Variants in GPC4 observed in about 807,000 individuals in gnomAD.
GPC4 encodes glypican 4, also known as glypican-4.
GPC4 carries 10 observed loss-of-function variants against 35.0 expected under a neutral mutation model. That is an observed-to-expected ratio of 0.29 (90% CI 0.18 to 0.48). The LOEUF (loss-of-function observed/expected upper bound fraction) is 0.48, where lower values mean the gene tolerates loss of function less well. Ranked by LOEUF, GPC4 falls within the 20% of genes least tolerant of loss-of-function variation. The pLI, the probability that GPC4 is intolerant of heterozygous loss-of-function variation, is 0.99. For synonymous variants in GPC4, 167 were observed against 170.2 expected (o/e 0.98, Z 0.15); for missense variants, 322 against 451.3 (o/e 0.71, Z 2.60).
intron 1 of GPC4, among the ~76,000 whole-genome samples, chrX:133,383,885 TG>T (rs1404060854): frequency 8.9e-6 from 1 of 111,752 alleles, no homozygotes; most frequent in Non-Finnish European, 1.9e-5. Flanking sequence ...TTACAGACTT[TG>T]GGTGATGATG....
At chrX:133,353,482 T>G (rs1250627542) in intron 1 of GPC4, among the ~76,000 whole-genome samples, 1 of 111,837 alleles carries the variant, frequency 8.9e-6, no homozygotes, top group Non-Finnish European at 1.9e-5. Context: ...GGTGAGTGGG[T>G]GCTCATTCCG....
At chrX:133,351,554 C>T (rs983098629) in intron 1 of GPC4, among the ~76,000 whole-genome samples, 1 of 110,710 alleles carries the variant, frequency 9.0e-6, no homozygotes, top group African/African-American at 3.3e-5. Context: ...ATGTCCTCAG[C>T]CTTTATTATA....
At chrX:133,372,338 C>T (rs905488607) in intron 1 of GPC4, among the ~76,000 whole-genome samples, 3 of 108,611 alleles carry the variant, frequency 2.8e-5, no homozygotes, top group African/African-American at 1.0e-4. Flanking sequence ...TATATGTATC[C>T]TTAGGGGCTC....
At chrX:133,313,835 G>A (rs1358055833) in intron 3 of GPC4, among the ~76,000 whole-genome samples, 1 of 112,247 alleles carries the variant, frequency 8.9e-6, no homozygotes, top group Non-Finnish European at 1.9e-5. Flanking sequence ...CAGATGACAG[G>A]AAACTGTAAT....
At chrX:133,338,817 A>G (rs918236688) in intron 2 of GPC4, among the ~76,000 whole-genome samples, 5 of 110,924 alleles carry the variant, frequency 4.5e-5, no homozygotes, top group Admixed American at 1.9e-4. Flanking sequence ...GCATCTGTAA[A>G]TTCTCTTTAT....
chrX:133,326,224 T>G (rs867557735), intron 2 of GPC4, among the ~76,000 whole-genome samples: 8 of 110,868 alleles, frequency 7.2e-5, no homozygotes, highest in Middle Eastern at 4.7e-3. Context: ...TCCCTGAAAG[T>G]GAGAGGGCAG....
intron 1 of GPC4, among the ~76,000 whole-genome samples, chrX:133,344,536 C>T (rs1242909520): frequency 1.0e-4 from 11 of 110,408 alleles, no homozygotes; most frequent in Non-Finnish European, 2.1e-4. Flanking sequence ...CTATTTTCAA[C>T]TATGTCTAAC....
chrX:133,400,790 G>A (rs1426567936), intron 1 of GPC4, among the ~76,000 whole-genome samples: 2 of 110,604 alleles, frequency 1.8e-5, no homozygotes, highest in African/African-American at 3.3e-5. Flanking sequence ...GTAGGCATTG[G>A]GTATAGGGCA....
chrX:133,306,808 T>G (rs2068293016), intron 4 of GPC4, among the ~76,000 whole-genome samples: 1 of 112,002 alleles, frequency 8.9e-6, no homozygotes. Flanking sequence ...TACCTCCTTT[T>G]TTTTGCAAGT....
chrX:133,390,577 T>C (rs919410596), intron 1 of GPC4, among the ~76,000 whole-genome samples: 2 of 112,087 alleles, frequency 1.8e-5, no homozygotes, highest in Non-Finnish European at 3.8e-5. Context: ...GAATGACAGC[T>C]GACAGCAAGG....
chrX:133,353,432 T>C (rs755429018), intron 1 of GPC4, among the ~76,000 whole-genome samples: 4 of 112,039 alleles, frequency 3.6e-5, no homozygotes, highest in East Asian at 2.8e-4. Flanking sequence ...TGCTCACAAA[T>C]TGAAAGTATC....
Position 133,302,981 on chromosome X carries a change from A to G in GPC4, c.1557T>C (p.Ala519=). The G allele has an allele frequency of 8.3e-7, 1 of 1,211,539 alleles. No individual in the cohort carries two copies. ...CGGCTTTCTCATTGGCACTCTTCCC[A>G]GCATGGTCAGTGGCATTGTAGTCAA... ...SEFDYNATDH[A]GKSANEKADS... is the part of the protein sequence containing the mutation. Residue 519 remains alanine, a synonymous_variant, in exon 9 of 9, where the codon GCT becomes GCC. Coordinates refer to ENST00000370828, the MANE Select transcript of GPC4 (RefSeq NM_001448.3).
intron 1 of GPC4, among the ~76,000 whole-genome samples, chrX:133,377,036 C>T (rs1403258489): frequency 2.7e-5 from 3 of 112,227 alleles, no homozygotes. Context: ...CCTACTGTCC[C>T]AGCTTTTTCC....
chrX:133,304,983 T>G, intron 6 of GPC4, 122 bp from the exon 7 acceptor site: 3 of 668,238 alleles, frequency 4.5e-6, no homozygotes, highest in Non-Finnish European at 6.8e-6. Context: ...ATTTTCAACT[T>G]TAATTAGAAG....
chrX:133,313,340 T>C (rs758224538), intron 3 of GPC4, among the ~76,000 whole-genome samples: 26 of 113,060 alleles, frequency 2.3e-4, no homozygotes, highest in African/African-American at 6.7e-4. Flanking sequence ...ATGGTAATTG[T>C]ATACACTGCC....
At chrX:133,308,729 G>A (rs1411623649) in intron 4 of GPC4, among the ~76,000 whole-genome samples, 2 of 110,980 alleles carry the variant, frequency 1.8e-5, no homozygotes, top group African/African-American at 6.6e-5. Context: ...TTATTTCAGT[G>A]CTCAAGACAC....
At chrX:133,304,883 CA>C in intron 6 of GPC4, 22 bp from the exon 7 acceptor site, 1 of 1,200,647 alleles carries the variant, frequency 8.3e-7, no homozygotes, top group Non-Finnish European at 1.1e-6. Context: ...ACAACAACAA[CA>C]AAAAAAGATC....
intron 1 of GPC4, among the ~76,000 whole-genome samples, chrX:133,383,355 T>C (rs373259367): frequency 9.0e-6 from 1 of 111,580 alleles, no homozygotes; most frequent in East Asian, 2.8e-4. Context: ...TCCAACTATA[T>C]GACATTCTGG....
chrX:133,333,887 T>C (rs1337863372), intron 2 of GPC4, among the ~76,000 whole-genome samples: 2 of 112,760 alleles, frequency 1.8e-5, no homozygotes, highest in Non-Finnish European at 3.7e-5. Context: ...TATTATGCTA[T>C]GCATATCTAT....
Sources: allele counts gnomAD v4.1 joint callset (sites outside exome capture counted in the v4.1 genomes callset), GRCh38; gene constraint gnomAD v4.1.1; transcripts MANE v1.5; gene names NCBI Gene and HGNC (gene_info 2026-07-23, HGNC 2026-07-21).